The following ZSCAN5B variants were observed in gnomAD, a reference collection of about 807,000 sequenced individuals.
ZSCAN5B encodes the protein zinc finger and SCAN domain-containing protein 5B.
Under a neutral mutation model 25.2 loss-of-function variants are expected in ZSCAN5B, and 26 were observed. That is an observed-to-expected ratio of 1.03 (90% CI 0.76 to 1.43). The LOEUF (loss-of-function observed/expected upper bound fraction) is 1.43. Among genes scored for constraint, ZSCAN5B ranks in the 40% most tolerant of loss-of-function variants. The pLI is 0.00. For synonymous variants in ZSCAN5B, 244 were observed against 240.9 expected, an observed-to-expected ratio of 1.01 and a Z score of -0.12; for missense variants, 745 against 622.1, an observed-to-expected ratio of 1.20 and a Z score of -2.10.
chr19:56,195,979 CT>C (rs1432157051), intron 1 of ZSCAN5B, among the ~76,000 whole-genome samples: 3 of 152,198 alleles, frequency 2.0e-5, no homozygotes, highest in Non-Finnish European at 2.9e-5. Context: ...CCTGCCTCTG[CT>C]TCCCAAAATT....
At chr19:56,190,047 T>C (rs768301311) in exon 5 of ZSCAN5B, 18 of 1,613,298 alleles carry the variant, frequency 1.1e-5, no homozygotes, top group Non-Finnish European at 1.4e-5. Flanking sequence ...TAAGGTGGAC[T>C]CGTGGGCGAA....
intron 3 of ZSCAN5B, 50 bp downstream of exon 3, chr19:56,191,800 C>T (rs1180311620): frequency 1.9e-6 from 3 of 1,589,614 alleles, no homozygotes; most frequent in East Asian, 4.5e-5. Context: ...ACGATTTCCT[C>T]CTGTTCCTTC....
chr19:56,192,781 T>G, exon 2 of ZSCAN5B: 1 of 1,611,092 alleles, frequency 6.2e-7, no homozygotes, highest in Non-Finnish European at 8.5e-7. Context: ...GATCATGAAC[T>G]GCTCCATCAC....
chr19:56,197,768 C>A, exon 1 of ZSCAN5B: 1 of 985,390 alleles, frequency 1.0e-6, no homozygotes, highest in South Asian at 4.7e-5. Context: ...CCTTCTCGGT[C>A]TGGGATGCGC....
At chr19:56,196,494 A>C (rs1024005583) in intron 1 of ZSCAN5B, among the ~76,000 whole-genome samples, 8 of 139,658 alleles carry the variant, frequency 5.7e-5, no homozygotes, top group African/African-American at 2.0e-4. Context: ...AAAAATGATA[A>C]GACAGTGAGG....
chr19:56,197,696 G>T, intron 1 of ZSCAN5B, 38 bp downstream of exon 1: 1 of 975,452 alleles, frequency 1.0e-6, no homozygotes, highest in Non-Finnish European at 1.2e-6. Context: ...CCGCATGCCA[G>T]CTCCGAAACC....
rs370792202 is a variant in ZSCAN5B at position 56,189,865 on chromosome 19, G to C, written c.1450C>G (p.Arg484Gly). 6.2e-6 allele frequency: 10 copies of C among 1,613,514 alleles called. No individual in the cohort carries two copies. In the Admixed American group the frequency reaches 1.2e-4, roughly 19 times the overall value. The change falls in exon 5 of 5, where the codon CGT (arginine) becomes GGT (glycine). Residue 484 changes from arginine (R) to glycine (G), a missense_variant. Arg to Gly is a moderately radical substitution (Grantham distance 125, BLOSUM62 -2). Coordinates refer to ENST00000586855, the Ensembl canonical transcript of ZSCAN5B. The stretch of plus-strand genomic sequence containing the variant: ...GTTTCCCGGTGTGTTTTCAGGTGAC[G>C]CTTGAATGTCCCCAGCTGACGGAAG...
intron 3 of ZSCAN5B, among the ~76,000 whole-genome samples, chr19:56,191,433 A>T (rs979184660): frequency 1.2e-4 from 19 of 152,300 alleles, no homozygotes; most frequent in African/African-American, 4.6e-4. Context: ...GACATTGCCA[A>T]ATGTGTCCTT....
At chr19:56,192,906 C>T in exon 2 of ZSCAN5B, 1 of 1,614,132 alleles carries the variant, frequency 6.2e-7, no homozygotes, top group South Asian at 1.1e-5. Context: ...GGCAGCTGAA[C>T]ATCCTGAAAT....
intron 4 of ZSCAN5B, 37 bp downstream of exon 4, chr19:56,190,800 G>C (rs753978058): frequency 6.9e-6 from 11 of 1,599,654 alleles, no homozygotes; most frequent in African/African-American, 1.4e-5. Flanking sequence ...CCAGAAGAGA[G>C]GGACTAACCC....
In ZSCAN5B at chr19:56,197,835, C is replaced by T. The variant is rs529026707; in HGVS notation, c.-229G>A. On this transcript the variant is annotated 5_prime_UTR_variant, in exon 1 of 5. Transcript: ENST00000586855. ...ATTTATGGAGAAGCGGGACTCCAGG[C>T]CGCGTTTCCGGTTCCCTGCGCCGCG... The T allele has an allele frequency of 7.9e-3, 7,751 of 985,306 alleles. 9 individuals carry two copies. The highest frequency in any genetic ancestry group is 8.6e-3 in the South Asian group (184 of 21,286). 61.0% of individuals were successfully genotyped at this position (985,306 alleles called of 1,614,324 possible).
exon 2 of ZSCAN5B, chr19:56,192,763 G>A: frequency 6.2e-7 from 1 of 1,608,258 alleles, no homozygotes; most frequent in Non-Finnish European, 8.5e-7. Context: ...GAGCTCCTGG[G>A]GCATGGAGAT....
exon 2 of ZSCAN5B, chr19:56,192,721 C>G (rs1396483065): frequency 1.3e-6 from 2 of 1,595,424 alleles, no homozygotes; most frequent in Admixed American, 3.4e-5. Flanking sequence ...GTCTTTGCAG[C>G]TCTGCACACC....
exon 5 of ZSCAN5B, chr19:56,190,110 T>A (rs766301991): frequency 6.2e-7 from 1 of 1,613,990 alleles, no homozygotes; most frequent in South Asian, 1.1e-5. Context: ...GTGGACTCGC[T>A]GGTGAACTCG....
At chr19:56,190,144 G>T (rs534584381) in exon 5 of ZSCAN5B, 4 of 1,614,028 alleles carry the variant, frequency 2.5e-6, no homozygotes, top group Non-Finnish European at 3.4e-6. Context: ...TGCAAGAAGC[G>T]CTTCCGACAG....
chr19:56,189,738 G>T, exon 5 of ZSCAN5B: 1 of 1,456,664 alleles, frequency 6.9e-7, no homozygotes, highest in Non-Finnish European at 9.2e-7. Flanking sequence ...CCTACCAAGT[G>T]CTTTATGTGT....
At chr19:56,192,423 C>T (rs935972509) in intron 2 of ZSCAN5B, among the ~76,000 whole-genome samples, 1 of 152,208 alleles carries the variant, frequency 6.6e-6, no homozygotes, top group East Asian at 1.9e-4. Context: ...CAGGATGGGA[C>T]TTCTGGGCCC....
exon 5 of ZSCAN5B, chr19:56,189,811 G>A: frequency 1.3e-6 from 2 of 1,595,818 alleles, no homozygotes; most frequent in South Asian, 2.3e-5. Flanking sequence ...TGGAGGATGT[G>A]GACCTGACTC....
chr19:56,193,228 C>T (rs1284332288), intron 1 of ZSCAN5B, 49 bp from the exon 2 acceptor site: 8 of 718,154 alleles, frequency 1.1e-5, no homozygotes, highest in Non-Finnish European at 1.7e-5. Context: ...CTACTCCACA[C>T]ACCCCTCCCT....
Sources: gnomAD v4.1 joint callset for allele counts (sites outside exome capture counted in the v4.1 genomes callset) on GRCh38, gnomAD v4.1.1 for gene constraint, MANE v1.5 for transcripts, NCBI Gene and HGNC (gene_info 2026-07-23, HGNC 2026-07-21) for gene names.